Variants in ERBB4 observed in about 807,000 individuals in gnomAD.
The protein encoded by ERBB4 is receptor tyrosine-protein kinase erbB-4.
ERBB4 carries 42 observed loss-of-function variants against 158.0 expected under a neutral mutation model. The ratio of observed to expected loss-of-function variants is 0.27; its 90% CI spans 0.21 to 0.34. ERBB4 has a LOEUF of 0.34. Ranked by LOEUF, ERBB4 falls within the 10% of genes least tolerant of loss-of-function variation. The probability of loss-of-function intolerance (pLI) is 1.00; values close to 1 mark genes in which losing one functional copy is unlikely to be tolerated. For missense variants in ERBB4, 1,333 were observed against 1,624.1 expected (o/e 0.82, Z 3.08); for synonymous variants, 583 against 558.7 (o/e 1.04, Z -0.61).
chr2:212,289,562 T>A (rs1166685527), intron 1 of ERBB4, among the ~76,000 whole-genome samples: 1 of 152,144 alleles, frequency 6.6e-6, no homozygotes, highest in Non-Finnish European at 1.5e-5. Flanking sequence ...TGGTGTCTAT[T>A]AACATAGTAC....
chr2:212,201,924 A>G lies in ERBB4; in HGVS notation c.83-77021T>C, dbSNP rs146856722. 7.9e-5 allele frequency among the ~76,000 whole-genome samples: 12 copies of G among 152,260 alleles called. No individual in the cohort carries two copies. The East Asian group carries it at 2.3e-3, about 29-fold the overall frequency. On this transcript the variant is annotated intron_variant, in intron 1 of 27. Transcript: ENST00000342788. Reference sequence around the variant, plus strand: ...CTTATATGAATTATTTTATTTACATATATGTATTGGTATGTTTGTGTATGA... The same window carrying G: ...CTTATATGAATTATTTTATTTACATGTATGTATTGGTATGTTTGTGTATGA...
At chr2:212,160,785 G>A (rs917195226) in intron 1 of ERBB4, among the ~76,000 whole-genome samples, 3 of 151,998 alleles carry the variant, frequency 2.0e-5, no homozygotes, top group Non-Finnish European at 4.4e-5. Context: ...AAGGCTCCCT[G>A]ACACCTGATG....
At chr2:211,665,247 C>T (rs2071582876) in intron 15 of ERBB4, 76 bp downstream of exon 15, 1 of 1,424,570 alleles carries the variant, frequency 7.0e-7, no homozygotes, top group Non-Finnish European at 9.9e-7. Flanking sequence ...GTATACATTT[C>T]AGAGATGGTA....
rs141918414 is a variant in ERBB4, at chr2:212,263,290, T to A, written c.83-138387A>T. Among the ~76,000 whole-genome samples the A allele has an allele frequency of 1.3e-4, 20 of 152,196 alleles. No homozygotes were observed. The East Asian group carries it at 3.9e-3, about 30-fold the overall frequency. On this transcript the variant is annotated intron_variant, in intron 1 of 27. Transcript: ENST00000342788. ...TTCCAGAACTGTGAGAGAACAAATT[T>A]CTGTTGTTTTACCCACTCAGTTTGT... is the stretch of plus-strand genomic sequence containing the variant.
intron 19 of ERBB4, among the ~76,000 whole-genome samples, chr2:211,597,076 A>G (rs1370144906): frequency 6.6e-6 from 1 of 151,908 alleles, no homozygotes; most frequent in Non-Finnish European, 1.5e-5. Flanking sequence ...CCACTTACTC[A>G]CTCTATCGAG....
intron 1 of ERBB4, among the ~76,000 whole-genome samples, chr2:212,192,198 T>G (rs966331790): frequency 8.6e-6 from 1 of 116,784 alleles, no homozygotes; most frequent in African/African-American, 3.1e-5. Context: ...ATTAGATATA[T>G]ATATTCTTTT....
intron 2 of ERBB4, among the ~76,000 whole-genome samples, chr2:212,020,055 T>C (rs2076615157): frequency 6.6e-6 from 1 of 152,144 alleles, no homozygotes; most frequent in Non-Finnish European, 1.5e-5. Flanking sequence ...TAGATACTCA[T>C]AGAGAAAATT....
At chr2:212,406,580 G>T (rs751746180) in intron 1 of ERBB4, among the ~76,000 whole-genome samples, 1 of 152,094 alleles carries the variant, frequency 6.6e-6, no homozygotes, top group Non-Finnish European at 1.5e-5. Flanking sequence ...AATGATTTAA[G>T]ATTACAGAAA....
intron 1 of ERBB4, among the ~76,000 whole-genome samples, chr2:212,340,653 G>A (rs1309479503): frequency 1.3e-5 from 2 of 152,150 alleles, no homozygotes; most frequent in Admixed American, 1.3e-4. Context: ...GTCTCACTAT[G>A]TTGTCCAGGC....
At chr2:211,995,013 C>G (rs1189730233) in intron 2 of ERBB4, among the ~76,000 whole-genome samples, 1 of 152,136 alleles carries the variant, frequency 6.6e-6, no homozygotes, top group Admixed American at 6.6e-5. Flanking sequence ...TCATGGATCA[C>G]CGCCATCATT....
intron 20 of ERBB4, among the ~76,000 whole-genome samples, chr2:211,434,465 G>A (rs2063809187): frequency 6.6e-6 from 1 of 152,140 alleles, no homozygotes; most frequent in Non-Finnish European, 1.5e-5. Context: ...CTAGGAATCA[G>A]GTCCTCAACT....
intron 1 of ERBB4, among the ~76,000 whole-genome samples, chr2:212,192,681 TACTC>T: frequency 6.6e-6 from 1 of 152,294 alleles, no homozygotes; most frequent in Non-Finnish European, 1.5e-5. Flanking sequence ...CATACTGAGA[TACTC>T]AGGAGGTCTC....
chr2:211,679,644 G>T lies in ERBB4; in HGVS notation c.1490-460C>A, dbSNP rs540026400. On this transcript the variant is annotated intron_variant, in intron 12 of 27. Transcript: ENST00000342788. The stretch of plus-strand genomic sequence containing the variant: ...AAAGAAAAAGAATAATTTATAGAGG[G>T]TAAGAAGGGGAGAAAGGAATAGAAA... 3.2e-4 allele frequency among the ~76,000 whole-genome samples: 48 copies of T among 150,986 alleles called. 1 individual carries two copies. Among genetic ancestry groups the T allele is most frequent in the African/African-American group, 7.1e-4 (29 of 41,038 alleles).
chr2:212,292,810 C>T (rs1349954250), intron 1 of ERBB4, among the ~76,000 whole-genome samples: 1 of 151,974 alleles, frequency 6.6e-6, no homozygotes, highest in East Asian at 1.9e-4. Flanking sequence ...AACCAGAGAA[C>T]CATTGAAAGT....
chr2:211,532,102 C>A (rs1258682580), intron 20 of ERBB4, among the ~76,000 whole-genome samples: 2 of 151,370 alleles, frequency 1.3e-5, no homozygotes, highest in Non-Finnish European at 2.9e-5. Context: ...CAATTGAACT[C>A]AAGGAGTTAG....
intron 2 of ERBB4, among the ~76,000 whole-genome samples, chr2:212,055,602 G>C (rs1391146242): frequency 6.6e-6 from 1 of 152,240 alleles, no homozygotes; most frequent in Non-Finnish European, 1.5e-5. Context: ...CAATCAGGCA[G>C]CAACGTTTGC....
intron 7 of ERBB4, among the ~76,000 whole-genome samples, chr2:211,720,852 T>G (rs1027389447): frequency 6.6e-6 from 1 of 152,238 alleles, no homozygotes; most frequent in African/African-American, 2.4e-5. Flanking sequence ...CTCCAAAAGC[T>G]TGACTTTCTA....
chr2:211,598,788 A>G (rs1361314979), intron 19 of ERBB4, among the ~76,000 whole-genome samples: 2 of 152,208 alleles, frequency 1.3e-5, no homozygotes, highest in African/African-American at 4.8e-5. Flanking sequence ...TACACCATGT[A>G]CTAGGAAAAG....
intron 20 of ERBB4, among the ~76,000 whole-genome samples, chr2:211,538,346 T>A (rs1009063677): frequency 1.3e-5 from 2 of 151,858 alleles, no homozygotes; most frequent in African/African-American, 2.4e-5. Context: ...GTATGTTCCT[T>A]ATACAATAGA....
Sources: allele counts gnomAD v4.1 joint callset (sites outside exome capture counted in the v4.1 genomes callset), GRCh38; gene constraint gnomAD v4.1.1; transcripts MANE v1.5; gene names NCBI Gene and HGNC (gene_info 2026-07-23, HGNC 2026-07-21).